Variants in ZBTB20 observed in about 807,000 individuals in gnomAD.
ZBTB20 encodes the protein zinc finger and BTB domain containing 20.
In ZBTB20, 9 loss-of-function variants were observed where a neutral mutation model predicts 56.9. That is an observed-to-expected ratio of 0.16 (90% confidence interval 0.10 to 0.28). ZBTB20 has a LOEUF of 0.28. ZBTB20 is among the 10% of genes least tolerant of loss of function. ZBTB20 has a pLI of 1.00. For synonymous variants in ZBTB20, 417 were observed against 420.7 expected (o/e 0.99, Z 0.11); for missense variants, 655 against 1,003.0 (o/e 0.65, Z 4.69).
At chr3:114,582,724 C>T (rs1375345547) in intron 6 of ZBTB20, among the ~76,000 whole-genome samples, 1 of 152,088 alleles carries the variant, frequency 6.6e-6, no homozygotes, top group Non-Finnish European at 1.5e-5. Flanking sequence ...AGGCAAACAC[C>T]ATAGATTTTC....
chr3:115,132,104 A>G (rs951629674), intron 1 of ZBTB20, among the ~76,000 whole-genome samples: 10 of 152,170 alleles, frequency 6.6e-5, no homozygotes, highest in African/African-American at 2.4e-4. Flanking sequence ...TTCTAATTGG[A>G]ATTGCATTAT....
chr3:114,448,069 C>A (rs1434146500), intron 7 of ZBTB20, among the ~76,000 whole-genome samples: 2 of 152,092 alleles, frequency 1.3e-5, no homozygotes, highest in African/African-American at 4.8e-5. Context: ...GCAGGTTGGG[C>A]AGCCTAGGTA....
chr3:115,134,540 C>T (rs187116587), intron 1 of ZBTB20, among the ~76,000 whole-genome samples: 5 of 151,770 alleles, frequency 3.3e-5, no homozygotes, highest in Admixed American at 6.6e-5. Context: ...ACATTTCTTG[C>T]ATTTGGTCTT....
At chr3:114,462,161 A>C (rs1471261910) in intron 7 of ZBTB20, among the ~76,000 whole-genome samples, 2 of 152,248 alleles carry the variant, frequency 1.3e-5, no homozygotes, top group Non-Finnish European at 2.9e-5. Context: ...GATTGCAAGT[A>C]TCCTAGGACC....
At chr3:114,787,829 T>G (rs2070668446) in intron 5 of ZBTB20, among the ~76,000 whole-genome samples, 1 of 152,146 alleles carries the variant, frequency 6.6e-6, no homozygotes, top group Non-Finnish European at 1.5e-5. Flanking sequence ...GATAATTTGG[T>G]AAGAGATAAC....
intron 4 of ZBTB20, among the ~76,000 whole-genome samples, chr3:114,883,071 T>C (rs2076458112): frequency 6.6e-6 from 1 of 152,220 alleles, no homozygotes; most frequent in African/African-American, 2.4e-5. Flanking sequence ...GCTCAAAGAA[T>C]AATCTGTAAG....
chr3:114,611,109 A>G (rs1181458986), intron 6 of ZBTB20, among the ~76,000 whole-genome samples: 4 of 152,156 alleles, frequency 2.6e-5, no homozygotes, highest in Non-Finnish European at 4.4e-5. Context: ...TCTCAAGCAT[A>G]TAACATGAGT....
intron 1 of ZBTB20, among the ~76,000 whole-genome samples, chr3:115,078,782 A>C (rs2082691346): frequency 6.6e-6 from 1 of 151,946 alleles, no homozygotes; most frequent in Non-Finnish European, 1.5e-5. Flanking sequence ...TCGGCACCTT[A>C]TTAGGTCTTT....
At chr3:114,429,001 A>C (rs2089923109) in intron 7 of ZBTB20, among the ~76,000 whole-genome samples, 1 of 150,066 alleles carries the variant, frequency 6.7e-6, no homozygotes, top group Non-Finnish European at 1.5e-5. Flanking sequence ...TATATATACA[A>C]AAAAAGATAC....
intron 5 of ZBTB20, 38 bp from the exon 6 acceptor site, chr3:114,693,613 AT>A (rs2062823915): frequency 6.6e-6 from 1 of 152,112 alleles, no homozygotes; most frequent in African/African-American, 2.4e-5. Context: ...CTAGGTATTT[AT>A]TTTAATAAAT....
intron 4 of ZBTB20, among the ~76,000 whole-genome samples, chr3:114,837,477 G>C (rs538301915): frequency 6.6e-6 from 1 of 152,110 alleles, no homozygotes; most frequent in Non-Finnish European, 1.5e-5. Flanking sequence ...TTTCTCATGA[G>C]GTTGTGATCA....
At position 114,316,276 on chromosome 3, in the gene ZBTB20, C is replaced by T; in HGVS notation, c.*22729G>A. The stretch of plus-strand genomic sequence containing the variant: ...TTTCACTAACACTGTTCCTTTTTTT[C>T]CTTGTTACAATCCATTCTTTATGAA... On this transcript the variant is annotated 3_prime_UTR_variant, in exon 12 of 12. Coordinates refer to ENST00000675478, the MANE Select transcript of ZBTB20 (RefSeq NM_001348800.3). The T allele has an allele frequency of 3.0e-6, 1 of 336,422 alleles. No homozygotes were observed. Among genetic ancestry groups the T allele is most frequent in the Non-Finnish European group, 5.6e-6 (1 of 179,832 alleles). 20.8% of individuals were successfully genotyped at this position (336,422 alleles called of 1,614,324 possible).
intron 6 of ZBTB20, chr3:114,529,479 A>G (rs1437480708): frequency 6.6e-6 from 1 of 152,184 alleles, no homozygotes; most frequent in African/African-American, 2.4e-5. Flanking sequence ...CCGAGACATT[A>G]TGTCTCTTTT....
intron 1 of ZBTB20, among the ~76,000 whole-genome samples, chr3:115,138,133 C>G (rs1338831708): frequency 1.3e-5 from 2 of 152,092 alleles, no homozygotes; most frequent in Non-Finnish European, 2.9e-5. Flanking sequence ...ACCCCTATTT[C>G]TGCATGATAC....
At chr3:114,897,417 C>T (rs2074929483) in intron 4 of ZBTB20, among the ~76,000 whole-genome samples, 1 of 151,996 alleles carries the variant, frequency 6.6e-6, no homozygotes, top group Admixed American at 6.6e-5. Flanking sequence ...TATATCTAGT[C>T]ATGCTATGTT....
intron 7 of ZBTB20, among the ~76,000 whole-genome samples, chr3:114,499,962 T>G (rs1054391961): frequency 2.6e-5 from 4 of 152,206 alleles, no homozygotes; most frequent in African/African-American, 9.7e-5. Context: ...TAAAAACTAT[T>G]GGACCTAGGG....
At chr3:115,034,855 G>A (rs578039518) in intron 2 of ZBTB20, among the ~76,000 whole-genome samples, 20 of 152,038 alleles carry the variant, frequency 1.3e-4, no homozygotes, top group Admixed American at 6.5e-4. Flanking sequence ...AAAACAGCAC[G>A]GTACTGGCGT....
At chr3:114,523,878 CAT>C (rs940703123) in intron 6 of ZBTB20, among the ~76,000 whole-genome samples, 1 of 152,046 alleles carries the variant, frequency 6.6e-6, no homozygotes, top group African/African-American at 2.4e-5. Flanking sequence ...GACAAGGAAA[CAT>C]ATTATATTTG....
chr3:115,059,900 G>C (rs1399313256), intron 2 of ZBTB20, among the ~76,000 whole-genome samples: 1 of 152,008 alleles, frequency 6.6e-6, no homozygotes, highest in Non-Finnish European at 1.5e-5. Flanking sequence ...CTTTTATATG[G>C]TATCTGGTTA....
Sources: gnomAD v4.1 joint callset for allele counts (sites outside exome capture counted in the v4.1 genomes callset) on GRCh38, gnomAD v4.1.1 for gene constraint, MANE v1.5 for transcripts, NCBI Gene and HGNC (gene_info 2026-07-23, HGNC 2026-07-21) for gene names.